TPD52L1: variants seen among roughly 807,000 people sequenced by gnomAD.
The protein encoded by TPD52L1 is TPD52 like 1, also known as tumor protein D53.
A neutral mutation model predicts 28.7 loss-of-function variants in TPD52L1; 18 were observed. The observed-to-expected ratio is 0.63, with a 90% CI of 0.43 to 0.93. The LOEUF (loss-of-function observed/expected upper bound fraction) is 0.93, where lower values mean the gene tolerates loss of function less well. Ranked by LOEUF, TPD52L1 falls within the 40% of genes least tolerant of loss-of-function variation. The probability of loss-of-function intolerance (pLI) is 0.00; values close to 1 mark genes in which losing one functional copy is unlikely to be tolerated. For missense variants in TPD52L1, 203 were observed against 254.8 expected, an observed-to-expected ratio of 0.80 and a Z score of 1.39; for synonymous variants, 75 against 88.8, an observed-to-expected ratio of 0.84 and a Z score of 0.88.
At chr6:125,244,474 C>T (rs1411510405) in intron 3 of TPD52L1, among the ~76,000 whole-genome samples, 1 of 152,184 alleles carries the variant, frequency 6.6e-6, no homozygotes, top group African/African-American at 2.4e-5. Flanking sequence ...AGCAGGAAAG[C>T]TACTCACCTC....
intron 2 of TPD52L1, among the ~76,000 whole-genome samples, chr6:125,227,048 G>A (rs1795657055): frequency 6.6e-6 from 1 of 152,056 alleles, no homozygotes; most frequent in Non-Finnish European, 1.5e-5. Flanking sequence ...GAAAGACAGG[G>A]TTCTATTGAT....
Position 125,263,715 on chromosome 6 carries a change from G to A in TPD52L1, c.*753G>A, listed in dbSNP as rs1003196240. ...AAAAGAAAAAAATTAGCCAGACATA[G>A]TGTTGCTTGCCTGTAGTCCCAGCTA... On this transcript the variant is annotated 3_prime_UTR_variant, in exon 7 of 7. Coordinates refer to ENST00000534000, the MANE Select transcript of TPD52L1 (RefSeq NM_003287.4). 1.5e-4 allele frequency: 23 copies of A among 152,276 alleles called. No homozygotes were observed. The highest frequency in any genetic ancestry group is 5.3e-4 in the African/African-American group (22 of 41,430). 9.4% of individuals were successfully genotyped at this position (152,276 alleles called of 1,614,324 possible).
chr6:125,203,293 T>A (rs946948551), intron 1 of TPD52L1, among the ~76,000 whole-genome samples: 15 of 152,166 alleles, frequency 9.9e-5, no homozygotes, highest in African/African-American at 3.6e-4. Flanking sequence ...TTAACTATAT[T>A]TTTGTTTGTT....
chr6:125,168,795 C>T (rs1791083848), intron 1 of TPD52L1, among the ~76,000 whole-genome samples: 1 of 152,104 alleles, frequency 6.6e-6, no homozygotes, highest in African/African-American at 2.4e-5. Context: ...GGATTAAGGC[C>T]TTCTGAGATT....
At chr6:125,254,289 G>C (rs1436426069) in intron 5 of TPD52L1, among the ~76,000 whole-genome samples, 1 of 152,176 alleles carries the variant, frequency 6.6e-6, no homozygotes, top group Non-Finnish European at 1.5e-5. Context: ...AAACTGGTGA[G>C]AAAGACATTC....
chr6:125,225,668 A>T (rs1293443404), intron 2 of TPD52L1, among the ~76,000 whole-genome samples: 1 of 151,232 alleles, frequency 6.6e-6, no homozygotes, highest in African/African-American at 2.4e-5. Context: ...AATTAAAAGG[A>T]AAAGATATAT....
rs139347951 is a variant in TPD52L1 at position 125,245,502 on chromosome 6, C to T, written c.285-2780C>T. Among the ~76,000 whole-genome samples, 661 of 152,228 alleles carry T rather than the reference C, an allele frequency of 4.3e-3. 5 individuals are homozygous for T. The highest frequency in any genetic ancestry group is 0.015 in the African/African-American group (628 of 41,526). On this transcript the variant is annotated intron_variant, in intron 3 of 6. Transcript: ENST00000534000. ...TTATGTCTTCTGTGTTCTGCTACCA[C>T]GGCAGGTAGAGAAATACCATCAAGT...
intron 1 of TPD52L1, among the ~76,000 whole-genome samples, chr6:125,165,405 A>G (rs73771227): frequency 0.017 from 2,571 of 152,264 alleles, 77 homozygotes; most frequent in African/African-American, 0.059. Flanking sequence ...ATTTTAAGCA[A>G]TTTCTCACAG....
chr6:125,203,759 T>C, intron 1 of TPD52L1: 1 of 985,466 alleles, frequency 1.0e-6, no homozygotes, highest in Non-Finnish European at 1.2e-6. Flanking sequence ...ACACAGACCC[T>C]GGAGGAACCA....
chr6:125,254,704 C>A (rs569704911), intron 5 of TPD52L1, among the ~76,000 whole-genome samples: 1 of 152,312 alleles, frequency 6.6e-6, no homozygotes, highest in Non-Finnish European at 1.5e-5. Context: ...TATATATAAT[C>A]TTTTCCTCTG....
chr6:125,181,399 G>A (rs1190013327), intron 1 of TPD52L1, among the ~76,000 whole-genome samples: 1 of 152,124 alleles, frequency 6.6e-6, no homozygotes, highest in South Asian at 2.1e-4. Flanking sequence ...TGAGGGGTTT[G>A]GCGATGGTGT....
intron 1 of TPD52L1, among the ~76,000 whole-genome samples, chr6:125,184,200 T>TA (rs1285581329): frequency 6.6e-6 from 1 of 152,194 alleles, no homozygotes; most frequent in African/African-American, 2.4e-5. Flanking sequence ...CATAGCAACT[T>TA]ATTAAGAAGC....
intron 1 of TPD52L1, among the ~76,000 whole-genome samples, chr6:125,188,543 G>A (rs752818305): frequency 1.3e-5 from 2 of 152,000 alleles, no homozygotes; most frequent in African/African-American, 2.4e-5. Flanking sequence ...GAGTTGTGTT[G>A]GTGTGTGCAT....
chr6:125,170,776 A>G (rs958024556), intron 1 of TPD52L1, among the ~76,000 whole-genome samples: 9 of 152,162 alleles, frequency 5.9e-5, no homozygotes. Flanking sequence ...ACACCTGTTC[A>G]GAGCCTTTGG....
chr6:125,212,159 A>T (rs1475188120), intron 1 of TPD52L1, among the ~76,000 whole-genome samples: 2 of 152,180 alleles, frequency 1.3e-5, no homozygotes, highest in African/African-American at 4.8e-5. Context: ...ATAATTAATT[A>T]ATAAATATTA....
chr6:125,205,070 G>T (rs1375191009), intron 1 of TPD52L1, among the ~76,000 whole-genome samples: 5 of 152,178 alleles, frequency 3.3e-5, no homozygotes, highest in African/African-American at 1.2e-4. Context: ...TCTGAGGAAG[G>T]AAAGAGAGCA....
At chr6:125,184,798 A>C (rs1792480488) in intron 1 of TPD52L1, among the ~76,000 whole-genome samples, 1 of 152,198 alleles carries the variant, frequency 6.6e-6, no homozygotes, top group Admixed American at 6.5e-5. Flanking sequence ...GTAGAGGAAA[A>C]GAGGAGAAAC....
intron 1 of TPD52L1, among the ~76,000 whole-genome samples, chr6:125,172,049 C>T (rs1409472523): frequency 1.3e-5 from 2 of 151,344 alleles, no homozygotes; most frequent in African/African-American, 4.9e-5. Flanking sequence ...CCCTCCCTCC[C>T]ACCTTCTTTC....
intron 1 of TPD52L1, among the ~76,000 whole-genome samples, chr6:125,218,882 G>T (rs1273290949): frequency 6.6e-6 from 1 of 152,154 alleles, no homozygotes; most frequent in Non-Finnish European, 1.5e-5. Flanking sequence ...TGAAGGGTGA[G>T]AAAAATGGAA....
Sources: gnomAD v4.1 joint callset for allele counts (sites outside exome capture counted in the v4.1 genomes callset) on GRCh38, gnomAD v4.1.1 for gene constraint, MANE v1.5 for transcripts, NCBI Gene and HGNC (gene_info 2026-07-23, HGNC 2026-07-21) for gene names.